The following MYH11 variants were observed in gnomAD, a reference collection of about 807,000 sequenced individuals.
MYH11 encodes the protein myosin-11.
A neutral mutation model predicts 246.6 loss-of-function variants in MYH11; 80 were observed. That is an observed-to-expected ratio of 0.32 (90% confidence interval 0.27 to 0.39). The LOEUF (loss-of-function observed/expected upper bound fraction) is 0.39. MYH11 is among the 10% of genes least tolerant of loss of function. The pLI is 1.00. For missense variants in MYH11, 2,158 were observed against 2,546.8 expected (o/e 0.85, Z 3.29); for synonymous variants, 1,071 against 1,015.5 (o/e 1.05, Z -1.04).
intron 40 of MYH11, chr16:15,714,468 C>A: frequency 4.3e-6 from 1 of 230,670 alleles, no homozygotes; most frequent in Non-Finnish European, 8.7e-6. Context: ...GCCCCCATAC[C>A]CGAGAATAAT....
intron 14 of MYH11, 147 bp from the exon 15 acceptor site, chr16:15,753,655 A>C (rs2041633998): frequency 6.9e-6 from 5 of 721,832 alleles, no homozygotes; most frequent in Non-Finnish European, 1.0e-5. Context: ...GGGACTCCAC[A>C]AACACCAGTG....
At chr16:15,725,863 G>A in intron 28 of MYH11, 1 of 394,774 alleles carries the variant, frequency 2.5e-6, no homozygotes, top group East Asian at 3.6e-5. Flanking sequence ...GCTTCACATT[G>A]CCCAGAGTAA....
intron 27 of MYH11, among the ~76,000 whole-genome samples, chr16:15,727,477 A>G (rs1010133786): frequency 3.3e-5 from 5 of 152,078 alleles, no homozygotes; most frequent in African/African-American, 7.2e-5. Flanking sequence ...CTGGGATTAC[A>G]GGCGTGAGCT....
chr16:15,720,429 T>C, intron 33 of MYH11, 117 bp from the exon 34 acceptor site: 2 of 1,361,742 alleles, frequency 1.5e-6, no homozygotes, highest in Non-Finnish European at 2.0e-6. Context: ...GAGGTGGGCA[T>C]CTCATCCCCA....
In MYH11 at chr16:15,753,461, C is replaced by T. The variant is rs2041628649; in HGVS notation, c.1797G>A (p.Leu599=). Residue 599 remains leucine, a synonymous_variant, in exon 15 of 41, where the codon CTG becomes CTA. Coordinates refer to ENST00000300036, the MANE Select transcript of MYH11 (RefSeq NM_002474.3). ...TGAGCAGGGAAGTCACGTTGTCATT[C>T]AGCGGGTCCATATTCTTGGTCAGCC... is the stretch of plus-strand genomic sequence containing the variant. ...SAWLTKNMDP[L]NDNVTSLLNA... 1 of 1,614,166 alleles carries T rather than the reference C, an allele frequency of 6.2e-7. No individual in the cohort carries two copies.
chr16:15,703,633 G>C lies in MYH11; in HGVS notation c.*358C>G, dbSNP rs192051192. 5.3e-5 allele frequency: 22 copies of C among 411,492 alleles called. No individual in the cohort carries two copies. The highest frequency in any genetic ancestry group is 4.4e-4 in the African/African-American group (22 of 50,560). 25.5% of individuals were successfully genotyped at this position (411,492 alleles called of 1,614,324 possible). A position where few individuals can be genotyped will look rare whatever the true frequency, so the allele number is the denominator to read the frequency against. On this transcript the variant is annotated 3_prime_UTR_variant, in exon 41 of 41. Transcript: ENST00000300036. ...GTTGAGACAGGGTCTCTGTTGCCCAGGCTGGAGTGCAATGATGCAATTATA... is the reference window on the plus strand; with the variant it reads ...GTTGAGACAGGGTCTCTGTTGCCCACGCTGGAGTGCAATGATGCAATTATA...
rs2042577866 is a variant in MYH11, at chr16:15,790,301, T to A, written c.531-3569A>T. Among the ~76,000 whole-genome samples the A allele has an allele frequency of 2.7e-5, 4 of 150,074 alleles. No individual in the cohort carries two copies. The South Asian group carries it at 8.4e-4, about 32-fold the overall frequency. Reference sequence around the variant, plus strand: ...GCCTGGGCAATAGAATGAGACTCCATCTCAAAAAACAAACAAACAAACAAA... The same window carrying A: ...GCCTGGGCAATAGAATGAGACTCCAACTCAAAAAACAAACAAACAAACAAA... On this transcript the variant is annotated intron_variant, in intron 4 of 40. Transcript: ENST00000300036.
At position 15,737,558 on chromosome 16, in the gene MYH11, C is replaced by T. The variant is rs746667349; in HGVS notation, c.3184G>A (p.Gly1062Ser). ...TGCTCGTGGAAGTCGCTGGCATCAC[C>T]CTCCAGCTTCCGTTTCAGCTTCTCC... is the stretch of plus-strand genomic sequence containing the variant. ...ELEKLKRKLE[G>S]DASDFHEQIA... Residue 1062 changes from glycine (G) to serine (S), a missense_variant, in exon 25 of 41, where the codon GGT (glycine) becomes AGT (serine). Physicochemically the swap from Gly to Ser is moderately conservative, Grantham distance 56. This residue lies in a region of MYH11 where 284 missense variants were observed against 315.4 expected (regional missense o/e 0.90). Coordinates refer to ENST00000300036, the MANE Select transcript of MYH11 (RefSeq NM_002474.3). 6.2e-7 allele frequency: 1 copy of T among 1,613,890 alleles called. No individual in the cohort carries two copies. Among genetic ancestry groups the T allele is most frequent in the African/African-American group, 1.3e-5 (1 of 74,934 alleles).
At position 15,750,128 on chromosome 16, in the gene MYH11, C is replaced by A; in HGVS notation, c.2058+10G>T. ...TCTGGGAGCCCCAGGGTCTGGGCGG[C>A]GGGCCTCACCCTCTTCTCGTGGTTG... is the stretch of plus-strand genomic sequence containing the variant. On this transcript the variant is annotated intron_variant, in intron 16 of 40. Transcript: ENST00000300036. The surrounding 1 kb of genome is among the most constrained non-coding windows in gnomAD (Gnocchi z 4.3). 6.2e-7 allele frequency: 1 copy of A among 1,613,932 alleles called. No homozygotes were observed. The highest frequency in any genetic ancestry group is 2.2e-5 in the East Asian group (1 of 44,870).
At chr16:15,725,963 TACCCCCA>T in intron 28 of MYH11, 3 of 330,246 alleles carry the variant, frequency 9.1e-6, no homozygotes, top group Non-Finnish European at 1.6e-5. Flanking sequence ...TATCTCCCCC[TACCCCCA>T]ACCCCAGCTG....
At chr16:15,772,204 G>A (rs542156703) in intron 8 of MYH11, among the ~76,000 whole-genome samples, 1 of 143,838 alleles carries the variant, frequency 7.0e-6, no homozygotes, top group African/African-American at 2.6e-5. Context: ...CGATTCTCCT[G>A]CCTCAACCTC....
Position 15,753,433 on chromosome 16 carries a change from C to T in MYH11, c.1825G>A (p.Ala609Thr). The T allele has an allele frequency of 6.2e-7, 1 of 1,614,164 alleles. No homozygotes were observed. Among genetic ancestry groups the T allele is most frequent in the Non-Finnish European group, 8.5e-7 (1 of 1,180,038 alleles). Residue 609 changes from alanine to threonine, a missense_variant, in exon 15 of 41, where the codon GCC becomes ACC. By Grantham distance (58) the Ala-to-Thr change is moderately conservative. Around this residue, in one of 11 missense-constraint regions of MYH11, gnomAD observed 317 missense variants for 507.7 expected, o/e 0.62. Coordinates refer to ENST00000300036, the MANE Select transcript of MYH11 (RefSeq NM_002474.3). ...TCGGCCACAAACTTGTCGGAGGAGG[C>T]ATTGAGCAGGGAAGTCACGTTGTCA... ...LNDNVTSLLN[A>T]SSDKFVADLW...
intron 31 of MYH11, among the ~76,000 whole-genome samples, chr16:15,723,270 G>A (rs2040578603): frequency 6.6e-6 from 1 of 152,136 alleles, no homozygotes; most frequent in South Asian, 2.1e-4. Context: ...TTGAGGTGTG[G>A]AAGGGGAAAT....
chr16:15,835,116 C>T (rs2043858472), intron 2 of MYH11, among the ~76,000 whole-genome samples: 1 of 151,462 alleles, frequency 6.6e-6, no homozygotes, highest in South Asian at 2.1e-4. Context: ...TGCTAAGTTG[C>T]TCACTCTTAC....
intron 1 of MYH11, among the ~76,000 whole-genome samples, chr16:15,854,317 C>T (rs1017828681): frequency 6.6e-6 from 1 of 152,178 alleles, no homozygotes; most frequent in African/African-American, 2.4e-5. Flanking sequence ...TGAAGCTTAC[C>T]AGGGGCCAGG....
chr16:15,762,330 G>T (rs925723092), intron 10 of MYH11, among the ~76,000 whole-genome samples: 5 of 152,126 alleles, frequency 3.3e-5, no homozygotes, highest in Non-Finnish European at 7.3e-5. Context: ...CCCCCTTCTT[G>T]CCTGGAGACT....
intron 9 of MYH11, among the ~76,000 whole-genome samples, chr16:15,770,785 A>G (rs16967475): frequency 0.029 from 4,429 of 152,172 alleles, 216 homozygotes; most frequent in African/African-American, 0.1. Flanking sequence ...AGAGTCAATG[A>G]CACTCCATTC....
At chr16:15,833,579 C>T (rs547327187) in intron 2 of MYH11, among the ~76,000 whole-genome samples, 1 of 152,148 alleles carries the variant, frequency 6.6e-6, no homozygotes, top group African/African-American at 2.4e-5. Context: ...GAGCCCAGAA[C>T]CTGCATCTCT....
intron 23 of MYH11, among the ~76,000 whole-genome samples, chr16:15,739,356 C>T (rs1430602995): frequency 1.3e-5 from 2 of 152,204 alleles, no homozygotes; most frequent in Non-Finnish European, 2.9e-5. Context: ...TTGCCTCAGC[C>T]TCCCAAAGTG....
Sources: gnomAD v4.1 joint callset for allele counts (sites outside exome capture counted in the v4.1 genomes callset) on GRCh38, gnomAD v4.1.1 for gene constraint, gnomAD v4.1.1 regional missense constraint, Gnocchi (gnomAD v3.1) non-coding constraint, MANE v1.5 for transcripts, NCBI Gene and HGNC (gene_info 2026-07-23, HGNC 2026-07-21) for gene names.